Variants in ROBO2 observed in about 807,000 individuals in gnomAD.
ROBO2 encodes roundabout guidance receptor 2, also known as roundabout homolog 2.
A neutral mutation model predicts 160.8 loss-of-function variants in ROBO2; 53 were observed. The observed-to-expected ratio is 0.33, with a 90% CI of 0.26 to 0.41. ROBO2 has a LOEUF of 0.41. Ranked by LOEUF, ROBO2 falls within the 10% of genes least tolerant of loss-of-function variation. The pLI is 1.00. For synonymous variants in ROBO2, 664 were observed against 611.7 expected (o/e 1.09, Z -1.26); for missense variants, 1,577 against 1,722.4 (o/e 0.92, Z 1.49).
At chr3:77,560,111 G>A (rs1250034414) in intron 9 of ROBO2, among the ~76,000 whole-genome samples, 1 of 152,034 alleles carries the variant, frequency 6.6e-6, no homozygotes, top group Non-Finnish European at 1.5e-5. Flanking sequence ...AAGATTTCTA[G>A]TAGTGTTTGA....
At chr3:76,121,634 A>C (rs1252414317) in intron 2 of ROBO2, among the ~76,000 whole-genome samples, 2 of 152,144 alleles carry the variant, frequency 1.3e-5, no homozygotes, top group Non-Finnish European at 2.9e-5. Flanking sequence ...TTGACAATTG[A>C]GTATGTTGTT....
intron 2 of ROBO2, among the ~76,000 whole-genome samples, chr3:76,921,568 C>T (rs750713731): frequency 2.0e-5 from 3 of 152,164 alleles, no homozygotes; most frequent in Non-Finnish European, 4.4e-5. Flanking sequence ...GCCGGGATTG[C>T]TCCATTGCAC....
intron 2 of ROBO2, among the ~76,000 whole-genome samples, chr3:76,249,600 A>G (rs535036869): frequency 3.2e-4 from 48 of 152,246 alleles, no homozygotes; most frequent in Non-Finnish European, 2.8e-4. Flanking sequence ...AGGTGATTTC[A>G]ATGATTAGTG....
At position 77,168,986 on chromosome 3, in the gene ROBO2, G is replaced by A. The variant is rs543711329; in HGVS notation, c.388+70646G>A. 2.0e-4 allele frequency among the ~76,000 whole-genome samples: 30 copies of A among 152,300 alleles called. No individual in the cohort carries two copies. The South Asian group carries it at 5.0e-3, about 25-fold the overall frequency. On this transcript the variant is annotated intron_variant, in intron 2 of 25. Transcript: ENST00000461745. ...TTGTCATTAAGGAGCAACAGGAAAT[G>A]GAGAGCAGCAGTGACTCCATTTCCA...
At chr3:76,451,491 A>C (rs2077472252) in intron 2 of ROBO2, among the ~76,000 whole-genome samples, 1 of 152,144 alleles carries the variant, frequency 6.6e-6, no homozygotes, top group Admixed American at 6.6e-5. Context: ...ATTACTATAG[A>C]AGATTTCTTC....
intron 13 of ROBO2, among the ~76,000 whole-genome samples, chr3:77,572,665 A>ACACT (rs1559640062): frequency 6.6e-6 from 1 of 151,022 alleles, no homozygotes; most frequent in African/African-American, 2.5e-5. Context: ...ACACACACAC[A>ACACT]CACTCACTTA....
At chr3:76,964,472 A>G (rs1430299895) in intron 2 of ROBO2, among the ~76,000 whole-genome samples, 2 of 152,076 alleles carry the variant, frequency 1.3e-5, no homozygotes, top group Non-Finnish European at 2.9e-5. Context: ...CCTCCAGAGT[A>G]GCTGGGATTA....
chr3:76,610,886 C>G (rs2088058394), intron 2 of ROBO2, among the ~76,000 whole-genome samples: 1 of 152,224 alleles, frequency 6.6e-6, no homozygotes, highest in South Asian at 2.1e-4. Flanking sequence ...AATTCATGTC[C>G]TGAGACCAAG....
At position 76,223,963 on chromosome 3, in the gene ROBO2, T is replaced by A. The variant is rs368354591; in HGVS notation, c.109+286361T>A. Among the ~76,000 whole-genome samples, 20 of 152,364 alleles carry A rather than the reference T, an allele frequency of 1.3e-4. No individual in the cohort carries two copies. In the South Asian group the frequency reaches 3.9e-3, roughly 30 times the overall value. On this transcript the variant is annotated intron_variant, in intron 2 of 26. Coordinates refer to the ROBO2 transcript ENST00000487694. ...AAATAGCTAATATAAATATTTTGCA[T>A]ATCTCTAAAAATAGTTCCTGCCATG...
At chr3:76,738,131 C>T (rs1210861980) in intron 2 of ROBO2, among the ~76,000 whole-genome samples, 1 of 151,516 alleles carries the variant, frequency 6.6e-6, no homozygotes, top group Non-Finnish European at 1.5e-5. Flanking sequence ...GAGACCCTGA[C>T]TCAAAAAAAA....
chr3:76,615,010 C>T (rs1435235009), intron 2 of ROBO2, among the ~76,000 whole-genome samples: 2 of 152,076 alleles, frequency 1.3e-5, no homozygotes, highest in Non-Finnish European at 2.9e-5. Flanking sequence ...CTTAAACAAG[C>T]TTTCATACTT....
intron 2 of ROBO2, among the ~76,000 whole-genome samples, chr3:75,969,594 A>G (rs1169053272): frequency 6.6e-6 from 1 of 151,566 alleles, no homozygotes; most frequent in Admixed American, 6.6e-5. Flanking sequence ...TTATATAATA[A>G]CCATCCTAAC....
chr3:77,203,576 A>G (rs2083123747), intron 2 of ROBO2, among the ~76,000 whole-genome samples: 1 of 152,364 alleles, frequency 6.6e-6, no homozygotes, highest in South Asian at 2.1e-4. Context: ...TGTAAAAGTT[A>G]CTGAATCAGA....
At chr3:77,465,615 A>T (rs1007419983) in intron 2 of ROBO2, among the ~76,000 whole-genome samples, 5 of 152,160 alleles carry the variant, frequency 3.3e-5, no homozygotes, top group African/African-American at 1.2e-4. Flanking sequence ...TCTACTGAAG[A>T]AGGCTTCTTT....
intron 2 of ROBO2, chr3:77,317,120 A>AAGGT: frequency 1.6e-6 from 2 of 1,255,214 alleles, no homozygotes; most frequent in Non-Finnish European, 2.3e-6. Context: ...GTCACTCAGG[A>AAGGT]AGGACTTTGC....
At chr3:76,599,100 T>G (rs1200244452) in intron 2 of ROBO2, among the ~76,000 whole-genome samples, 1 of 152,156 alleles carries the variant, frequency 6.6e-6, no homozygotes, top group East Asian at 1.9e-4. Context: ...GGTTCAGGGT[T>G]ACATGTGCAG....
At chr3:77,624,296 A>T (rs141015841) in intron 23 of ROBO2, among the ~76,000 whole-genome samples, 2 of 151,864 alleles carry the variant, frequency 1.3e-5, no homozygotes, top group Admixed American at 1.3e-4. Context: ...TTTGCTTTCT[A>T]TGGTATGTGA....
intron 2 of ROBO2, among the ~76,000 whole-genome samples, chr3:76,469,216 GATA>G (rs1242011377): frequency 2.5e-4 from 38 of 152,092 alleles, no homozygotes; most frequent in African/African-American, 7.7e-4. Context: ...TGACAATGAC[GATA>G]ATAATGATGA....
exon 26 of ROBO2, chr3:77,647,991 G>C (rs2095424154): frequency 6.6e-6 from 1 of 152,030 alleles, no homozygotes; most frequent in East Asian, 1.9e-4. Flanking sequence ...CCAGCTTTTT[G>C]GTGCCATGTA....
Sources: allele counts gnomAD v4.1 joint callset (sites outside exome capture counted in the v4.1 genomes callset), GRCh38; gene constraint gnomAD v4.1.1; transcripts MANE v1.5; gene names NCBI Gene and HGNC (gene_info 2026-07-23, HGNC 2026-07-21).